Variants in LDB2 observed in about 807,000 individuals in gnomAD.
LDB2 encodes the protein LIM domain binding 2, also known as LIM domain-binding protein 2.
A neutral mutation model predicts 44.3 loss-of-function variants in LDB2; 12 were observed. The ratio of observed to expected loss-of-function variants is 0.27; its 90% confidence interval spans 0.17 to 0.44. LDB2 has a LOEUF of 0.44. Among genes scored for constraint, LDB2 ranks in the 20% least tolerant of loss-of-function variants. LDB2 has a pLI of 1.00. For synonymous variants in LDB2, 164 were observed against 174.8 expected (o/e 0.94, Z 0.49); for missense variants, 344 against 473.5 (o/e 0.73, Z 2.54).
chr4:16,814,685 T>A (rs1269494833), intron 1 of LDB2, among the ~76,000 whole-genome samples: 3 of 152,186 alleles, frequency 2.0e-5, no homozygotes, highest in African/African-American at 7.2e-5. Flanking sequence ...TGCCAGCTGC[T>A]ATGCTAGAAA....
intron 1 of LDB2, among the ~76,000 whole-genome samples, chr4:16,852,374 T>C (rs1452975940): frequency 1.3e-5 from 2 of 152,192 alleles, no homozygotes; most frequent in Non-Finnish European, 2.9e-5. Context: ...AGGATGGATC[T>C]TTCTTTTCCC....
chr4:16,604,548 AC>A (rs1723429574), intron 2 of LDB2, among the ~76,000 whole-genome samples: 2 of 150,126 alleles, frequency 1.3e-5, no homozygotes, highest in African/African-American at 4.9e-5. Flanking sequence ...TATATGTATA[AC>A]AGAACTTTCA....
At chr4:16,611,324 C>A (rs1248301718) in intron 2 of LDB2, among the ~76,000 whole-genome samples, 1 of 152,074 alleles carries the variant, frequency 6.6e-6, no homozygotes, top group East Asian at 1.9e-4. Flanking sequence ...GCAAAATAAC[C>A]AAATGGCAGC....
In LDB2 at chr4:16,719,280, C is replaced by T. The variant is rs185452823; in HGVS notation, c.235+39878G>A. 1.3e-3 allele frequency among the ~76,000 whole-genome samples: 204 copies of T among 152,168 alleles called. 2 individuals carry two copies. Among genetic ancestry groups the T allele is most frequent in the Admixed American group, 4.6e-3 (70 of 15,272 alleles). On this transcript the variant is annotated intron_variant, in intron 2 of 7. Coordinates refer to ENST00000304523, the MANE Select transcript of LDB2 (RefSeq NM_001290.5). ...AAGGCTAAAATAATTTAGCAGAAAA[C>T]ATAACCAACTATAGAGAGATTTTTT...
intron 1 of LDB2, among the ~76,000 whole-genome samples, chr4:16,792,289 T>C (rs1418457052): frequency 6.6e-6 from 1 of 152,222 alleles, no homozygotes; most frequent in African/African-American, 2.4e-5. Context: ...TGAATACTTA[T>C]ATTCTTACTG....
chr4:16,708,568 T>C (rs889869568), intron 2 of LDB2, among the ~76,000 whole-genome samples: 3 of 152,138 alleles, frequency 2.0e-5, no homozygotes, highest in Non-Finnish European at 1.5e-5. Context: ...TGAGAGAAAC[T>C]TCTTCTTCAG....
intron 2 of LDB2, among the ~76,000 whole-genome samples, chr4:16,668,148 C>T (rs371835476): frequency 1.3e-3 from 164 of 121,882 alleles, no homozygotes; most frequent in South Asian, 5.3e-3. Flanking sequence ...ATCAGATATA[C>T]GATAAATATA....
intron 2 of LDB2, among the ~76,000 whole-genome samples, chr4:16,708,006 A>C (rs984599443): frequency 6.6e-5 from 10 of 152,320 alleles, no homozygotes; most frequent in Admixed American, 2.0e-4. Flanking sequence ...AAACTGACAC[A>C]CAGTGACCTT....
chr4:16,672,097 G>A (rs1253827291), intron 2 of LDB2, among the ~76,000 whole-genome samples: 2 of 152,126 alleles, frequency 1.3e-5, no homozygotes, highest in Admixed American at 1.3e-4. Context: ...CACTTACCAG[G>A]TGCCTTAAAG....
chr4:16,734,987 G>A (rs1208310559), intron 2 of LDB2, among the ~76,000 whole-genome samples: 1 of 152,096 alleles, frequency 6.6e-6, no homozygotes, highest in East Asian at 1.9e-4. Flanking sequence ...GGGATTACAG[G>A]CATGAGCAAC....
At chr4:16,503,363 A>AT (rs1376999473) in intron 7 of LDB2, among the ~76,000 whole-genome samples, 2 of 152,044 alleles carry the variant, frequency 1.3e-5, no homozygotes, top group Non-Finnish European at 2.9e-5. Flanking sequence ...TCCAAACGGT[A>AT]TTTTCTCTGT....
intron 2 of LDB2, among the ~76,000 whole-genome samples, chr4:16,707,840 T>C (rs1407013568): frequency 2.6e-5 from 4 of 152,102 alleles, no homozygotes; most frequent in South Asian, 2.1e-4. Flanking sequence ...CGTGAAAAAA[T>C]GTCATCACGA....
chr4:16,653,191 A>C (rs1242683828), intron 2 of LDB2, among the ~76,000 whole-genome samples: 1 of 152,100 alleles, frequency 6.6e-6, no homozygotes, highest in African/African-American at 2.4e-5. Flanking sequence ...GGAGAGAACT[A>C]AGTCGCATCA....
At chr4:16,763,297 T>G (rs1182526249) in intron 1 of LDB2, among the ~76,000 whole-genome samples, 2 of 152,198 alleles carry the variant, frequency 1.3e-5, no homozygotes, top group African/African-American at 4.8e-5. Flanking sequence ...CAAACTCAGC[T>G]CGGGAAATCA....
chr4:16,656,984 G>A (rs1402739054), intron 2 of LDB2, among the ~76,000 whole-genome samples: 1 of 152,162 alleles, frequency 6.6e-6, no homozygotes, highest in African/African-American at 2.4e-5. Context: ...TTCTAGAACT[G>A]AGAAAATTAA....
chr4:16,883,000 G>A lies in LDB2; in HGVS notation c.132+15354C>T, dbSNP rs371415972. Among the ~76,000 whole-genome samples the A allele has an allele frequency of 1.6e-4, 25 of 152,196 alleles. No homozygotes were observed. In the East Asian group the frequency reaches 3.1e-3, roughly 19 times the overall value. ...TTAGTAGATTCTGCATTTGCATTTCGAGCTTATTTTATGAGGACGGAAAAA... is the reference window on the plus strand; with the variant it reads ...TTAGTAGATTCTGCATTTGCATTTCAAGCTTATTTTATGAGGACGGAAAAA... On this transcript the variant is annotated intron_variant, in intron 1 of 7. Coordinates refer to ENST00000304523, the MANE Select transcript of LDB2 (RefSeq NM_001290.5).
intron 1 of LDB2, among the ~76,000 whole-genome samples, chr4:16,857,806 G>A (rs1287093136): frequency 1.3e-5 from 2 of 152,068 alleles, no homozygotes; most frequent in South Asian, 2.1e-4. Context: ...CAAACCTCCC[G>A]ACCCAACTTC....
intron 2 of LDB2, among the ~76,000 whole-genome samples, chr4:16,635,477 A>G (rs1374427515): frequency 6.6e-6 from 1 of 152,018 alleles, no homozygotes; most frequent in Non-Finnish European, 1.5e-5. Flanking sequence ...AAAGAGTTTA[A>G]AGATTGACTT....
chr4:16,556,329 T>C lies in LDB2; in HGVS notation c.615+29593A>G, dbSNP rs532196876. 4.6e-5 allele frequency among the ~76,000 whole-genome samples: 7 copies of C among 152,306 alleles called. No individual in the cohort carries two copies. The South Asian group carries it at 1.5e-3, about 32-fold the overall frequency. ...TTTAAACAGTTGATATGAGAATGAA[T>C]AAATGCCTGGCACATAGTAAGTACT... On this transcript the variant is annotated intron_variant, in intron 5 of 7. Coordinates refer to ENST00000304523, the MANE Select transcript of LDB2 (RefSeq NM_001290.5).
Sources: gnomAD v4.1 joint callset for allele counts (sites outside exome capture counted in the v4.1 genomes callset) on GRCh38, gnomAD v4.1.1 for gene constraint, MANE v1.5 for transcripts, NCBI Gene and HGNC (gene_info 2026-07-23, HGNC 2026-07-21) for gene names.